EFL1: variants seen among roughly 807,000 people sequenced by gnomAD.
The protein encoded by EFL1 is elongation factor-like GTPase 1.
EFL1 carries 76 observed loss-of-function variants against 126.7 expected under a neutral mutation model. That is an observed-to-expected ratio of 0.60 (90% CI 0.50 to 0.73). The LOEUF is 0.73. Ranked by LOEUF, EFL1 falls within the 30% of genes least tolerant of loss-of-function variation. EFL1 has a pLI of 0.00. For synonymous variants in EFL1, 410 were observed against 448.4 expected (o/e 0.91, Z 1.08); for missense variants, 1,128 against 1,343.2 (o/e 0.84, Z 2.50).
intron 16 of EFL1, among the ~76,000 whole-genome samples, chr15:82,159,741 T>C (rs758158001): frequency 2.2e-4 from 34 of 152,318 alleles, no homozygotes; most frequent in Non-Finnish European, 4.0e-4. Context: ...AAACTAGATG[T>C]TCACTATATA....
At position 82,248,131 on chromosome 15, in the gene EFL1, G is replaced by A. The variant is rs574800453; in HGVS notation, c.244+4560C>T. Among the ~76,000 whole-genome samples the A allele has an allele frequency of 1.1e-4, 16 of 152,224 alleles. No homozygotes were observed. The South Asian group carries it at 3.3e-3, about 32-fold the overall frequency. ...GTAATACCCATCACAGAGTTGCTGT[G>A]AAGATTAAACAAAATCAGGCATATG... On this transcript the variant is annotated intron_variant, in intron 4 of 19. Coordinates refer to ENST00000268206, the MANE Select transcript of EFL1 (RefSeq NM_024580.6).
chr15:82,156,046 CTT>C (rs1365331234), intron 17 of EFL1, among the ~76,000 whole-genome samples: 1 of 152,134 alleles, frequency 6.6e-6, no homozygotes, highest in Non-Finnish European at 1.5e-5. Context: ...TTAATAGTGT[CTT>C]TTGATGATCA....
At chr15:82,257,379 T>C (rs2075075567) in intron 3 of EFL1, among the ~76,000 whole-genome samples, 1 of 152,194 alleles carries the variant, frequency 6.6e-6, no homozygotes, top group Non-Finnish European at 1.5e-5. Context: ...GTTACTCTTC[T>C]TTAAAGTCAT....
chr15:82,194,536 A>G lies in EFL1; in HGVS notation c.1750+20181T>C, dbSNP rs143947697. On this transcript the variant is annotated intron_variant, in intron 15 of 19. Transcript: ENST00000268206. ...TGAGAATTTAAAAATGCAGAAAAGT[A>G]TAGTCAAAAATGCACTTACAGAATT... is the stretch of plus-strand genomic sequence containing the variant. Among the ~76,000 whole-genome samples the G allele has an allele frequency of 8.1e-3, 1,237 of 152,362 alleles. 17 individuals are homozygous for G. The highest frequency in any genetic ancestry group is 0.028 in the African/African-American group (1,182 of 41,582).
chr15:82,222,830 T>C (rs2074725819), intron 12 of EFL1, among the ~76,000 whole-genome samples: 2 of 152,226 alleles, frequency 1.3e-5, no homozygotes, highest in South Asian at 4.1e-4. Flanking sequence ...ATGTTACTTC[T>C]TGAAGGGGCA....
At chr15:82,165,148 A>G (rs1352786359) in intron 15 of EFL1, among the ~76,000 whole-genome samples, 2 of 152,088 alleles carry the variant, frequency 1.3e-5, no homozygotes, top group Non-Finnish European at 2.9e-5. Flanking sequence ...ACCTGTCTAT[A>G]GTCCCAGGTA....
At chr15:82,228,831 ATCCTGTC>A (rs2074791458) in intron 9 of EFL1, among the ~76,000 whole-genome samples, 196 bp downstream of exon 9, 1 of 152,192 alleles carries the variant, frequency 6.6e-6, no homozygotes, top group South Asian at 2.1e-4. Context: ...AAATATTGCT[ATCCTGTC>A]CCTCCAACAT....
intron 15 of EFL1, among the ~76,000 whole-genome samples, chr15:82,198,980 T>C (rs948220987): frequency 3.3e-5 from 5 of 152,028 alleles, no homozygotes; most frequent in Non-Finnish European, 7.4e-5. Context: ...GATATAAAAT[T>C]AAGCCAATAA....
chr15:82,130,304 C>T lies in EFL1; in HGVS notation c.*69G>A. 6.7e-7 allele frequency: 1 copy of T among 1,496,568 alleles called. No homozygotes were observed. The highest frequency in any genetic ancestry group is 1.4e-5 in the African/African-American group (1 of 71,398). 92.7% of individuals were successfully genotyped at this position (1,496,568 alleles called of 1,614,324 possible). ...AGATAATGTGGCAAAAAGAAATTTT[C>T]CCAATATTAAACCCTTGATGATACT... On this transcript the variant is annotated 3_prime_UTR_variant, in exon 20 of 20. Transcript: ENST00000268206.
Position 82,227,486 on chromosome 15 carries a change from C to T in EFL1, c.1156G>A (p.Asp386Asn), listed in dbSNP as rs1048679709. The T allele has an allele frequency of 3.7e-6, 6 of 1,613,990 alleles. No homozygotes were observed. Among genetic ancestry groups the T allele is most frequent in the African/African-American group, 2.7e-5 (2 of 74,900 alleles). ...GCTTGAGTTTCTGGTGGAAAAGAGT[C>T]AAAAGTTTGTGATCCTGTGCACATC... ...RLMCTGSQTF[D>N]SFPPETQALK... Residue 386 changes from aspartate to asparagine, a missense_variant, in exon 11 of 20, where the codon GAC (aspartate) becomes AAC (asparagine). Asp to Asn is a conservative substitution (Grantham distance 23). Transcript: ENST00000268206.
In EFL1 at chr15:82,219,708, C is replaced by G; in HGVS notation, c.1555G>C (p.Gly519Arg). The G allele has an allele frequency of 6.2e-7, 1 of 1,613,698 alleles. No homozygotes were observed. The highest frequency in any genetic ancestry group is 8.5e-7 in the Non-Finnish European group (1 of 1,179,848). ...GGCCCCAAGACAAAAATTTTCTTTC[C>G]TCTTCGAGCCACACCACTGAACACC... is the stretch of plus-strand genomic sequence containing the variant. ...ARVFSGVARR[G>R]KKIFVLGPKY... Residue 519 changes from glycine to arginine, a missense_variant, in exon 14 of 20, where the codon GGA becomes CGA. By Grantham distance (125) the Gly-to-Arg change is moderately radical (BLOSUM62 -2). Coordinates refer to ENST00000268206, the MANE Select transcript of EFL1 (RefSeq NM_024580.6).
At chr15:82,231,696 C>T (rs1204533402) in intron 7 of EFL1, among the ~76,000 whole-genome samples, 1 of 150,570 alleles carries the variant, frequency 6.6e-6, no homozygotes, top group Admixed American at 6.6e-5. Context: ...GTTTTTTCCA[C>T]ACCATACTGA....
chr15:82,194,086 T>G (rs1273725980), intron 15 of EFL1, among the ~76,000 whole-genome samples: 1 of 152,208 alleles, frequency 6.6e-6, no homozygotes, highest in Non-Finnish European at 1.5e-5. Context: ...AAGACTCACT[T>G]GGGAGTCCCT....
At chr15:82,259,018 G>A in intron 3 of EFL1, 70 bp downstream of exon 3, 1 of 1,380,118 alleles carries the variant, frequency 7.2e-7, no homozygotes, top group Middle Eastern at 1.9e-4. Flanking sequence ...GAAGAACACA[G>A]AAAATGGTTC....
At chr15:82,150,247 A>G (rs1340395468) in intron 18 of EFL1, among the ~76,000 whole-genome samples, 2 of 151,916 alleles carry the variant, frequency 1.3e-5, no homozygotes, top group South Asian at 2.1e-4. Flanking sequence ...TTCTTTTGGG[A>G]AAAAAAACAA....
chr15:82,262,035 G>C (rs768673339), intron 1 of EFL1: 21 of 380,628 alleles, frequency 5.5e-5, no homozygotes, highest in African/African-American at 8.2e-5. Context: ...CAAAGGCTGC[G>C]ATGAATCACG....
chr15:82,177,536 C>T (rs935818567), intron 15 of EFL1, among the ~76,000 whole-genome samples: 1 of 152,202 alleles, frequency 6.6e-6, no homozygotes, highest in African/African-American at 2.4e-5. Context: ...TGGCTGCATA[C>T]TTCTGTCTAC....
chr15:82,184,819 T>C lies in EFL1; in HGVS notation c.1751-20835A>G, dbSNP rs139372628. Reference sequence around the variant, plus strand: ...ACAGATAAGGGATTATTGGATGAAATAGAGTGAAACAATCTACTATATGGT... The same window carrying C: ...ACAGATAAGGGATTATTGGATGAAACAGAGTGAAACAATCTACTATATGGT... On this transcript the variant is annotated intron_variant, in intron 15 of 19. Coordinates refer to ENST00000268206, the MANE Select transcript of EFL1 (RefSeq NM_024580.6). Among the ~76,000 whole-genome samples the C allele has an allele frequency of 2.6e-5, 4 of 152,244 alleles. No individual in the cohort carries two copies. In the East Asian group the frequency reaches 7.7e-4, roughly 29 times the overall value.
Position 82,229,114 on chromosome 15 carries a change from T to C in EFL1, c.856-4A>G, listed in dbSNP as rs766324794. The C allele has an allele frequency of 2.0e-5, 32 of 1,605,872 alleles. No homozygotes were observed. In the East Asian group the frequency reaches 7.2e-4, roughly 36 times the overall value. ...ATAAAGGTTTCTTTCCTTTGGCCTG[T>C]ACAAAAGAACATACGGGCTTAAGTT... On this transcript the variant is annotated splice_polypyrimidine_tract_variant and splice_region_variant and intron_variant, in intron 8 of 19. Coordinates refer to ENST00000268206, the MANE Select transcript of EFL1 (RefSeq NM_024580.6).
Sources: allele counts gnomAD v4.1 joint callset (sites outside exome capture counted in the v4.1 genomes callset), GRCh38; gene constraint gnomAD v4.1.1; transcripts MANE v1.5; gene names NCBI Gene and HGNC (gene_info 2026-07-23, HGNC 2026-07-21).